SMC5: variants seen among roughly 807,000 people sequenced by gnomAD.
SMC5 encodes the protein structural maintenance of chromosomes protein 5.
Under a neutral mutation model 148.3 loss-of-function variants are expected in SMC5, and 88 were observed. The ratio of observed to expected loss-of-function variants is 0.59; its 90% CI spans 0.50 to 0.71. The LOEUF (loss-of-function observed/expected upper bound fraction) is 0.71. Among genes scored for constraint, SMC5 ranks in the 30% least tolerant of loss-of-function variants. The pLI is 0.00. For synonymous variants in SMC5, 421 were observed against 432.8 expected (o/e 0.97, Z 0.34); for missense variants, 1,142 against 1,298.9 (o/e 0.88, Z 1.86).
At position 70,350,059 on chromosome 9, in the gene SMC5, A is replaced by T; in HGVS notation, c.2890-55A>T. 3.9e-6 allele frequency: 5 copies of T among 1,286,556 alleles called. No individual in the cohort carries two copies. The South Asian group carries it at 7.5e-5, about 19-fold the overall frequency. The allele number at this position is 1,286,556 out of a possible 1,614,324, so 79.7% of individuals were successfully genotyped here. On this transcript the variant is annotated intron_variant, in intron 22 of 24. Coordinates refer to ENST00000361138, the MANE Select transcript of SMC5 (RefSeq NM_015110.4). ...TTAATTCAATCCATTTTCAAATAAT[A>T]GAATGACATTACCAGAGGAAACTCA...
At chr9:70,278,934 C>G (rs575728522) in intron 5 of SMC5, among the ~76,000 whole-genome samples, 1 of 152,106 alleles carries the variant, frequency 6.6e-6, no homozygotes, top group Non-Finnish European at 1.5e-5. Flanking sequence ...ATCTATTAAA[C>G]ACCTACTATG....
intron 3 of SMC5, among the ~76,000 whole-genome samples, chr9:70,268,460 C>T (rs945098501): frequency 6.7e-6 from 1 of 149,264 alleles, no homozygotes; most frequent in East Asian, 2.1e-4. Context: ...CCCTGCCCCC[C>T]CCAAAAAAAA....
intron 17 of SMC5, among the ~76,000 whole-genome samples, chr9:70,341,463 T>C (rs142744293): frequency 1.2e-4 from 19 of 152,236 alleles, no homozygotes; most frequent in African/African-American, 4.1e-4. Context: ...CTTAGCAGAG[T>C]AGGGGTGATT....
Position 70,282,562 on chromosome 9 carries a change from G to C in SMC5, c.960G>C (p.Leu320Phe). The change falls in exon 7 of 25, where the codon TTG (leucine) becomes TTC (phenylalanine). Residue 320 changes from leucine (L) to phenylalanine (F), a missense_variant. Coordinates refer to ENST00000361138, the MANE Select transcript of SMC5 (RefSeq NM_015110.4). ...IEEMENERHN[L>F]EARIKEKATD... is the part of the protein sequence containing the mutation. ...AAATGGAAAACGAGCGTCACAATTT[G>C]GAGGCTCGAATCAAAGAAAAGGTAC... is the stretch of plus-strand genomic sequence containing the variant. The C allele has an allele frequency of 6.3e-7, 1 of 1,581,792 alleles. No homozygotes were observed. Among genetic ancestry groups the C allele is most frequent in the Non-Finnish European group, 8.6e-7 (1 of 1,169,052 alleles).
chr9:70,348,387 T>A (rs2036722792), intron 22 of SMC5, among the ~76,000 whole-genome samples: 1 of 152,018 alleles, frequency 6.6e-6, no homozygotes, highest in Admixed American at 6.6e-5. Context: ...TTTTTTTTTT[T>A]AATAAAGAAT....
chr9:70,289,340 A>G (rs184421840), intron 8 of SMC5, among the ~76,000 whole-genome samples: 1 of 152,190 alleles, frequency 6.6e-6, no homozygotes, highest in East Asian at 1.9e-4. Flanking sequence ...ACCTGGCCTG[A>G]TTTAGTGATT....
At chr9:70,347,297 G>A (rs947090974) in intron 20 of SMC5, 136 bp downstream of exon 20, 10 of 620,472 alleles carry the variant, frequency 1.6e-5, no homozygotes, top group Non-Finnish European at 2.5e-5. Flanking sequence ...TAATAAGCTA[G>A]ACAGCAGGAA....
intron 7 of SMC5, among the ~76,000 whole-genome samples, chr9:70,283,453 C>T (rs1287758293): frequency 6.6e-6 from 1 of 151,706 alleles, no homozygotes; most frequent in Non-Finnish European, 1.5e-5. Context: ...GGTGACAGAG[C>T]GAGGCCCTAT....
intron 13 of SMC5, among the ~76,000 whole-genome samples, chr9:70,316,063 C>T (rs1034816223): frequency 6.6e-6 from 1 of 152,068 alleles, no homozygotes; most frequent in Non-Finnish European, 1.5e-5. Flanking sequence ...GACCACTTCT[C>T]ATAGGATTTG....
chr9:70,268,050 G>A (rs2034340435), intron 3 of SMC5, 75 bp downstream of exon 3: 1 of 1,160,794 alleles, frequency 8.6e-7, no homozygotes, highest in East Asian at 2.4e-5. Context: ...CTGATGATTA[G>A]AAAAGAGTAT....
rs1220929558 is a variant in SMC5, at chr9:70,324,015, TC to T, written c.2275-4del. 2.6e-6 allele frequency: 4 copies of T among 1,545,354 alleles called. No individual in the cohort carries two copies. The highest frequency in any genetic ancestry group is 3.5e-6 in the Non-Finnish European group (4 of 1,153,938). On this transcript the variant is annotated splice_polypyrimidine_tract_variant and splice_region_variant and intron_variant, in intron 16 of 24. Transcript: ENST00000361138. ...AAAATTAACTCTTAGGGGTTTTTGT[TC>T]CTAGATTTGTACTTCTTTGCATATA...
Position 70,333,876 on chromosome 9 carries a change from C to T in SMC5, c.2397+9733C>T, listed in dbSNP as rs995263462. On this transcript the variant is annotated intron_variant, in intron 17 of 24. Transcript: ENST00000361138. ...AAAAATTCAGGATTTCTTAAAATGTCATTTCTCTTCCAAATCTTAAATTCA... is the reference window on the plus strand; with the variant it reads ...AAAAATTCAGGATTTCTTAAAATGTTATTTCTCTTCCAAATCTTAAATTCA... Among the ~76,000 whole-genome samples, 7 of 109,906 alleles carry T rather than the reference C, an allele frequency of 6.4e-5. No homozygotes were observed. In the East Asian group the frequency reaches 7.9e-4, roughly 12 times the overall value. The allele number at this position is 109,906 out of a possible 152,430, so 72.1% of individuals were successfully genotyped here.
chr9:70,321,717 T>G (rs1289214794), intron 15 of SMC5, among the ~76,000 whole-genome samples: 1 of 152,160 alleles, frequency 6.6e-6, no homozygotes, highest in Non-Finnish European at 1.5e-5. Context: ...GCTGATTTAT[T>G]GTGAAAACCC....
chr9:70,304,994 A>G (rs2035458726), intron 10 of SMC5, among the ~76,000 whole-genome samples: 1 of 152,200 alleles, frequency 6.6e-6, no homozygotes, highest in South Asian at 2.1e-4. Flanking sequence ...AAGGAACTAA[A>G]GTTATTTCTT....
chr9:70,333,680 G>A (rs981840157), intron 17 of SMC5, among the ~76,000 whole-genome samples: 4 of 152,100 alleles, frequency 2.6e-5, no homozygotes, highest in Non-Finnish European at 5.9e-5. Flanking sequence ...GCAGTGAGCC[G>A]AGATCATGTC....
intron 3 of SMC5, among the ~76,000 whole-genome samples, chr9:70,269,310 C>T (rs2034380658): frequency 6.6e-6 from 1 of 152,034 alleles, no homozygotes; most frequent in Non-Finnish European, 1.5e-5. Context: ...AGACCAGGTG[C>T]AGTGGCTCAT....
chr9:70,351,312 C>A (rs2118858281), intron 24 of SMC5, among the ~76,000 whole-genome samples: 1 of 151,940 alleles, frequency 6.6e-6, no homozygotes, highest in Non-Finnish European at 1.5e-5. Flanking sequence ...CCAGATCACA[C>A]CACTGCACTG....
chr9:70,318,711 TAGAAA>T, intron 14 of SMC5, 24 bp downstream of exon 14: 1 of 1,567,768 alleles, frequency 6.4e-7, no homozygotes, highest in Middle Eastern at 1.7e-4. Context: ...ATCTGAATGT[TAGAAA>T]AGAATATTAA....
chr9:70,324,076 T>A lies in SMC5; in HGVS notation c.2330T>A (p.Val777Glu). ...KVDLILQNTT[V>E]ISEKNKLESD... ...GATTTAATTCTCCAAAATACTACAG[T>A]GATCTCTGAGAAGAACAAATTAGAA... The change falls in exon 17 of 25, where the codon GTG becomes GAG. Residue 777 changes from valine (V) to glutamate (E), a missense_variant. This residue lies in a region of SMC5 where 743 missense variants were observed against 835.7 expected (regional missense o/e 0.89). Coordinates refer to ENST00000361138, the MANE Select transcript of SMC5 (RefSeq NM_015110.4). 1 of 1,600,688 alleles carries A rather than the reference T, an allele frequency of 6.2e-7. No homozygotes were observed. Among genetic ancestry groups the A allele is most frequent in the Non-Finnish European group, 8.5e-7 (1 of 1,176,896 alleles).
Sources: allele counts gnomAD v4.1 joint callset (sites outside exome capture counted in the v4.1 genomes callset), GRCh38; gene constraint gnomAD v4.1.1; regional missense constraint gnomAD v4.1.1; transcripts MANE v1.5; gene names NCBI Gene and HGNC (gene_info 2026-07-23, HGNC 2026-07-21).